The following SGK1 variants were observed in gnomAD, a reference collection of about 807,000 sequenced individuals.
SGK1 encodes the protein serine/threonine-protein kinase Sgk1.
A neutral mutation model predicts 64.2 loss-of-function variants in SGK1; 26 were observed. The ratio of observed to expected loss-of-function variants is 0.40; its 90% CI spans 0.30 to 0.56. The LOEUF is 0.56. Among genes scored for constraint, SGK1 ranks in the 20% least tolerant of loss-of-function variants. The pLI, the probability that SGK1 is intolerant of heterozygous loss-of-function variation, is 0.38. For missense variants in SGK1, 519 were observed against 645.6 expected, an observed-to-expected ratio of 0.80 and a Z score of 2.12; for synonymous variants, 265 against 239.7, an observed-to-expected ratio of 1.11 and a Z score of -0.98.
At chr6:134,224,355 G>A (rs975125725) in intron 2 of SGK1, among the ~76,000 whole-genome samples, 5 of 152,204 alleles carry the variant, frequency 3.3e-5, no homozygotes, top group Non-Finnish European at 7.3e-5. Context: ...TATATAACAT[G>A]TGGAGAAGTG....
intron 3 of SGK1, among the ~76,000 whole-genome samples, chr6:134,190,286 CCTTT>C (rs1373246532): frequency 1.4e-5 from 2 of 145,766 alleles, no homozygotes; most frequent in Non-Finnish European, 3.0e-5. Flanking sequence ...TTCCTTCCTT[CCTTT>C]TTTTTTTTTT....
chr6:134,297,694 G>T, intron 1 of SGK1: 1 of 441,742 alleles, frequency 2.3e-6, no homozygotes. Flanking sequence ...GTAGAGACAG[G>T]GTTTCACCCT....
At chr6:134,298,784 C>CTCATTTAT (rs1554228150) in intron 1 of SGK1, 2 of 275,578 alleles carry the variant, frequency 7.3e-6, no homozygotes, top group Non-Finnish European at 1.3e-5. Flanking sequence ...GCATTCAGCT[C>CTCATTTAT]TTATTTATTT....
rs766810780 is a variant in SGK1, at chr6:134,170,235, A to G, written c.*33T>C. 6 of 1,565,296 alleles carry G rather than the reference A, an allele frequency of 3.8e-6. No homozygotes were observed. The East Asian group carries it at 1.1e-4, about 30-fold the overall frequency. On this transcript the variant is annotated 3_prime_UTR_variant, in exon 14 of 14. Transcript: ENST00000367858. ...CTAACTAAAACATTCGGAAACACAC[A>G]TAAAATCCTTTAAAACCAAGCCCTA...
chr6:134,301,922 T>C (rs1389882983), intron 1 of SGK1, among the ~76,000 whole-genome samples: 1 of 152,080 alleles, frequency 6.6e-6, no homozygotes, highest in East Asian at 1.9e-4. Flanking sequence ...AGTTAAGATA[T>C]GGATGGATAA....
chr6:134,290,459 A>G (rs570872968), intron 1 of SGK1, among the ~76,000 whole-genome samples: 37 of 152,148 alleles, frequency 2.4e-4, no homozygotes, highest in Non-Finnish European at 4.9e-4. Flanking sequence ...AATGACAGCA[A>G]TACAAGCTCC....
At chr6:134,298,496 T>A (rs1374316865) in intron 1 of SGK1, 3 of 808,406 alleles carry the variant, frequency 3.7e-6, no homozygotes, top group Non-Finnish European at 6.6e-6. Context: ...TCTGGTTGAC[T>A]GTGACGGCAG....
chr6:134,271,635 A>G (rs1776941570), intron 1 of SGK1, among the ~76,000 whole-genome samples: 1 of 147,324 alleles, frequency 6.8e-6, no homozygotes, highest in African/African-American at 2.4e-5. Context: ...TTTAGGTTCA[A>G]GGGTACATGT....
At chr6:134,305,363 CAAAAAAAAA>C (rs34637536) in intron 1 of SGK1, among the ~76,000 whole-genome samples, 1 of 65,646 alleles carries the variant, frequency 1.5e-5, no homozygotes, top group Non-Finnish European at 2.7e-5. Flanking sequence ...TACTTCATCT[CAAAAAAAAA>C]AAAAAAAAAA....
chr6:134,317,300 G>A (rs184209257), intron 1 of SGK1, 92 bp downstream of exon 1: 16 of 845,466 alleles, frequency 1.9e-5, no homozygotes, highest in Admixed American at 3.4e-5. Context: ...TAAGGGTTTA[G>A]CAACAAAACC....
intron 3 of SGK1, among the ~76,000 whole-genome samples, chr6:134,205,484 T>G (rs369793585): frequency 8.3e-4 from 126 of 152,148 alleles, no homozygotes; most frequent in African/African-American, 2.9e-3. Flanking sequence ...TCCTCCTGTT[T>G]CTGCTAATAG....
At position 134,274,667 on chromosome 6, in the gene SGK1, G is replaced by GAA. The variant is rs752128288; in HGVS notation, c.70-12521_70-12520dup. 2.1e-3 allele frequency among the ~76,000 whole-genome samples: 230 copies of GAA among 111,746 alleles called. 1 individual carries two copies. The highest frequency in any genetic ancestry group is 7.1e-3 in the African/African-American group (215 of 30,432). The allele number at this position is 111,746 out of a possible 152,430, so 73.3% of individuals were successfully genotyped here. A position where few individuals can be genotyped will look rare whatever the true frequency, so the allele number is the denominator to read the frequency against. On this transcript the variant is annotated intron_variant, in intron 1 of 13. Transcript: ENST00000367858. ...TTATAATGCAAGTATTCCAAAATCT[G>GAA]AAAAAAAAAAAAAAACCCAAATCTG...
chr6:134,237,433 T>C (rs1028630227), intron 2 of SGK1, among the ~76,000 whole-genome samples: 1 of 151,414 alleles, frequency 6.6e-6, no homozygotes, highest in Non-Finnish European at 1.5e-5. Context: ...CCCAGCACTT[T>C]GGGAGGCCAA....
At chr6:134,271,371 T>C (rs1776938501) in intron 1 of SGK1, among the ~76,000 whole-genome samples, 1 of 147,606 alleles carries the variant, frequency 6.8e-6, no homozygotes. Flanking sequence ...TTCCTCGATA[T>C]GTACTTTTTT....
At chr6:134,208,745 C>CGTATATATATATATACACATATATATGT (rs1288764100) in intron 2 of SGK1, among the ~76,000 whole-genome samples, 1 of 150,484 alleles carries the variant, frequency 6.6e-6, no homozygotes, top group Non-Finnish European at 1.5e-5. Flanking sequence ...TCCATGTATG[C>CGTATATATATATATACACATATATATGT]GTATATATAT....
chr6:134,170,985 TC>T, intron 12 of SGK1, 37 bp downstream of exon 12: 1 of 1,613,542 alleles, frequency 6.2e-7, no homozygotes, highest in Non-Finnish European at 8.5e-7. Context: ...CTAGTGCACG[TC>T]CCGGCCGGCC....
At chr6:134,195,333 G>A (rs575279403) in intron 3 of SGK1, among the ~76,000 whole-genome samples, 2 of 152,308 alleles carry the variant, frequency 1.3e-5, no homozygotes, top group African/African-American at 2.4e-5. Context: ...TTCCACAAAC[G>A]CAGAAACAGA....
chr6:134,215,195 A>T, intron 2 of SGK1: 6 of 407,376 alleles, frequency 1.5e-5, no homozygotes, highest in South Asian at 1.8e-5. Context: ...GGCTGACTAC[A>T]ACCTCCGCCT....
intron 2 of SGK1, among the ~76,000 whole-genome samples, chr6:134,232,176 C>T (rs921424989): frequency 2.0e-5 from 3 of 148,738 alleles, no homozygotes; most frequent in African/African-American, 5.0e-5. Context: ...AGCACGAGGT[C>T]GAGAGTTCGG....
Sources: gnomAD v4.1 joint callset for allele counts (sites outside exome capture counted in the v4.1 genomes callset) on GRCh38, gnomAD v4.1.1 for gene constraint, MANE v1.5 for transcripts, NCBI Gene and HGNC (gene_info 2026-07-23, HGNC 2026-07-21) for gene names.